LYST: variants seen among roughly 807,000 people sequenced by gnomAD.
LYST encodes the protein lysosomal-trafficking regulator.
In LYST, 192 loss-of-function variants were observed where a neutral mutation model predicts 413.6. The ratio of observed to expected loss-of-function variants is 0.46; its 90% CI spans 0.41 to 0.52. The LOEUF is 0.52. LYST is among the 20% of genes least tolerant of loss of function. The pLI is 0.00. For synonymous variants in LYST, 1,525 were observed against 1,567.3 expected, an observed-to-expected ratio of 0.97 and a Z score of 0.64; for missense variants, 3,815 against 4,499.9, an observed-to-expected ratio of 0.85 and a Z score of 4.35.
chr1:235,755,388 CAA>C lies in LYST; in HGVS notation c.7229+88_7229+89del, dbSNP rs1491270439. 4.6e-6 allele frequency: 4 copies of C among 867,254 alleles called. No homozygotes were observed. The African/African-American group carries it at 7.1e-5, about 15-fold the overall frequency. The allele number at this position is 867,254 out of a possible 1,614,324, so 53.7% of individuals were successfully genotyped here. A position where few individuals can be genotyped will look rare whatever the true frequency, so the allele number is the denominator to read the frequency against. On this transcript the variant is annotated intron_variant, in intron 25 of 52. Coordinates refer to ENST00000389793, the MANE Select transcript of LYST (RefSeq NM_000081.4). ...TGGGCAACAGGGCGAGACTCCGTCT[CAA>C]AAGAAAAGAAAAGAAAAGAAAAGAA... is the stretch of plus-strand genomic sequence containing the variant.
chr1:235,815,097 TCATGTTCCTGATTTGCTTC>T (rs572634044), intron 3 of LYST, among the ~76,000 whole-genome samples: 42 of 152,314 alleles, frequency 2.8e-4, no homozygotes, highest in African/African-American at 9.9e-4. Flanking sequence ...AACTTAGCTT[TCATGTTCCTGATTTGCTTC>T]CATTCCAGCA....
chr1:235,730,464 T>C (rs1039605429), intron 36 of LYST, among the ~76,000 whole-genome samples: 2 of 151,896 alleles, frequency 1.3e-5, no homozygotes, highest in South Asian at 4.1e-4. Context: ...TCTATATTAA[T>C]AGATAGAGAT....
intron 16 of LYST, among the ~76,000 whole-genome samples, chr1:235,780,068 G>T (rs1465339541): frequency 6.6e-6 from 1 of 152,036 alleles, no homozygotes; most frequent in Non-Finnish European, 1.5e-5. Flanking sequence ...AGCAGAATTA[G>T]CAATACTTTG....
At position 235,720,928 on chromosome 1, in the gene LYST, A is replaced by G. The variant is rs1572068280; in HGVS notation, c.9316-23T>C. On this transcript the variant is annotated intron_variant, in intron 39 of 52. Transcript: ENST00000389793. ...AACCTAAAAGGGAAGGAGAAGAAAA[A>G]AACCCAGATATTATTTTTAGTCTTA... The G allele has an allele frequency of 3.7e-6, 6 of 1,610,788 alleles. No homozygotes were observed. In the East Asian group the frequency reaches 1.3e-4, roughly 36 times the overall value.
intron 17 of LYST, among the ~76,000 whole-genome samples, chr1:235,776,675 C>G (rs1015568178): frequency 6.6e-6 from 1 of 151,600 alleles, no homozygotes; most frequent in Non-Finnish European, 1.5e-5. Context: ...AACTCCAAAC[C>G]CAAACAAATT....
chr1:235,807,955 T>A (rs1437594036), intron 5 of LYST, among the ~76,000 whole-genome samples: 3 of 152,218 alleles, frequency 2.0e-5, no homozygotes, highest in African/African-American at 7.2e-5. Context: ...GAACACTATT[T>A]TAATTGTTTA....
intron 48 of LYST, among the ~76,000 whole-genome samples, chr1:235,679,242 G>T (rs1048224782): frequency 4.6e-5 from 7 of 152,122 alleles, no homozygotes; most frequent in African/African-American, 1.7e-4. Context: ...AGCCATTCTG[G>T]CTCTCAGATT....
intron 52 of LYST, 72 bp from the exon 53 acceptor site, chr1:235,663,150 C>T (rs1658168852): frequency 1.9e-6 from 2 of 1,056,770 alleles, no homozygotes; most frequent in Non-Finnish European, 1.5e-6. Context: ...GGTCATCATA[C>T]TGAGGTTAGT....
At chr1:235,792,232 A>T in intron 11 of LYST, 107 bp from the exon 12 acceptor site, 1 of 715,728 alleles carries the variant, frequency 1.4e-6, no homozygotes, top group South Asian at 1.7e-5. Flanking sequence ...CACACATATC[A>T]GCATTCCTAT....
chr1:235,734,896 C>A, intron 31 of LYST: 2 of 307,978 alleles, frequency 6.5e-6, no homozygotes, highest in Non-Finnish European at 1.2e-5. Context: ...CATAGGAAAA[C>A]ATTTAAAAAA....
chr1:235,688,628 T>C (rs959626952), intron 47 of LYST, among the ~76,000 whole-genome samples: 10 of 152,180 alleles, frequency 6.6e-5, no homozygotes, highest in Admixed American at 5.9e-4. Context: ...GTCAGGACTC[T>C]AGACTCTACT....
chr1:235,755,409 A>AAAAGC, intron 25 of LYST, 69 bp downstream of exon 25: 1 of 1,324,864 alleles, frequency 7.5e-7, no homozygotes, highest in East Asian at 2.3e-5. Context: ...AAAAGAAAAG[A>AAAAGC]AAAGAAAAGA....
chr1:235,730,505 G>GTATACA (rs570787325), intron 36 of LYST, among the ~76,000 whole-genome samples: 4 of 151,118 alleles, frequency 2.6e-5, no homozygotes, highest in Non-Finnish European at 5.9e-5. Context: ...ATATGTGTGT[G>GTATACA]TATACATATA....
intron 1 of LYST, among the ~76,000 whole-genome samples, chr1:235,839,248 C>CATAT (rs1219975261): frequency 5.5e-5 from 8 of 144,380 alleles, no homozygotes; most frequent in African/African-American, 2.2e-4. Flanking sequence ...TGTATGTGTG[C>CATAT]ATATATATAT....
At chr1:235,834,831 C>T (rs1381333368) in intron 1 of LYST, among the ~76,000 whole-genome samples, 1 of 152,148 alleles carries the variant, frequency 6.6e-6, no homozygotes, top group Non-Finnish European at 1.5e-5. Flanking sequence ...ATATCAACGG[C>T]TCAACCAAGT....
intron 40 of LYST, 99 bp downstream of exon 40, chr1:235,720,562 A>AT (rs1282557098): frequency 3.4e-6 from 4 of 1,181,960 alleles, no homozygotes; most frequent in Non-Finnish European, 5.0e-6. Flanking sequence ...TAATTCTTCT[A>AT]TTTTGTGCAT....
intron 10 of LYST, among the ~76,000 whole-genome samples, chr1:235,794,334 AGAT>A (rs1265769943): frequency 2.0e-5 from 3 of 152,238 alleles, no homozygotes; most frequent in Non-Finnish European, 4.4e-5. Flanking sequence ...GAAATATTAA[AGAT>A]GATTTAAATA....
intron 31 of LYST, chr1:235,739,030 T>C (rs570638798): frequency 1.9e-4 from 129 of 669,750 alleles, no homozygotes; most frequent in Non-Finnish European, 3.3e-4. Flanking sequence ...TAGGCTACAA[T>C]AGGATTTTAG....
intron 25 of LYST, among the ~76,000 whole-genome samples, chr1:235,755,215 C>G (rs1366431501): frequency 4.6e-5 from 7 of 151,512 alleles, no homozygotes; most frequent in African/African-American, 1.7e-4. Context: ...TGGTGAAACC[C>G]CATCTCTACT....
Sources: gnomAD v4.1 joint callset for allele counts (sites outside exome capture counted in the v4.1 genomes callset) on GRCh38, gnomAD v4.1.1 for gene constraint, MANE v1.5 for transcripts, NCBI Gene and HGNC (gene_info 2026-07-23, HGNC 2026-07-21) for gene names.